Variants in NCAPD3 observed in about 807,000 individuals in gnomAD.
NCAPD3 encodes non-SMC condensin II complex subunit D3.
A neutral mutation model predicts 182.9 loss-of-function variants in NCAPD3; 105 were observed. That is an observed-to-expected ratio of 0.57 (90% confidence interval 0.49 to 0.68). NCAPD3 has a LOEUF of 0.68. Among genes scored for constraint, NCAPD3 ranks in the 30% least tolerant of loss-of-function variants. The probability of loss-of-function intolerance (pLI) is 0.00; values close to 1 mark genes in which losing one functional copy is unlikely to be tolerated. For missense variants in NCAPD3, 1,944 were observed against 1,837.0 expected (o/e 1.06, Z -1.07); for synonymous variants, 815 against 679.9 (o/e 1.20, Z -3.09).
At chr11:134,207,895 C>T (rs1198888195) in intron 7 of NCAPD3, among the ~76,000 whole-genome samples, 1 of 152,018 alleles carries the variant, frequency 6.6e-6, no homozygotes. Context: ...ATTTCAAGCA[C>T]ACAGAAGTGA....
At position 134,210,274 on chromosome 11, in the gene NCAPD3, A is replaced by G. The variant is rs148973912; in HGVS notation, c.563T>C (p.Ile188Thr). 325 of 1,611,188 alleles carry G rather than the reference A, an allele frequency of 2.0e-4. No individual in the cohort carries two copies. The highest frequency in any genetic ancestry group is 2.5e-4 in the Non-Finnish European group (292 of 1,179,170). ...KRGKPPRREDIEMDEIIEEQE... is the reference protein window; with the variant it reads ...KRGKPPRREDTEMDEIIEEQE... ...TATACTCAACTTACTTCTTACCTCA[A>G]TATCTTCTCTCCTGGGTGGCTTTCC... Residue 188 changes from isoleucine (I) to threonine (T), a missense_variant, in exon 4 of 35, where the codon ATT becomes ACT. Transcript: ENST00000534548.
chr11:134,224,654 C>G (rs1418284553), upstream of NCAPD3: 1 of 152,266 alleles, frequency 6.6e-6, no homozygotes, highest in Non-Finnish European at 1.5e-5. Flanking sequence ...GGAGCTCGCC[C>G]GCCCCCTCCC....
At chr11:134,194,243 T>C in intron 14 of NCAPD3, 93 bp from the exon 15 acceptor site, 7 of 1,361,378 alleles carry the variant, frequency 5.1e-6, no homozygotes, top group Middle Eastern at 1.9e-4. Flanking sequence ...TTTAAGTTTG[T>C]GGTTCTTAAC....
intron 27 of NCAPD3, among the ~76,000 whole-genome samples, chr11:134,167,618 TG>T (rs1328408997): frequency 8.6e-5 from 6 of 69,690 alleles, no homozygotes; most frequent in Non-Finnish European, 1.3e-4. Context: ...GAGATGAGCT[TG>T]GGGGAGGGGC....
chr11:134,185,061 G>T, intron 17 of NCAPD3, 61 bp from the exon 18 acceptor site: 3 of 1,323,642 alleles, frequency 2.3e-6, no homozygotes, highest in Non-Finnish European at 3.3e-6. Context: ...TGCCAACAAA[G>T]GCCTTTCTTC....
intron 13 of NCAPD3, among the ~76,000 whole-genome samples, chr11:134,196,369 C>T (rs543713146): frequency 3.2e-4 from 49 of 152,188 alleles, no homozygotes; most frequent in South Asian, 6.2e-4. Flanking sequence ...AGTGGCCAGG[C>T]GCGGTGGCTC....
chr11:134,178,079 AC>A (rs1376000638), intron 22 of NCAPD3: 4 of 152,338 alleles, frequency 2.6e-5, no homozygotes, highest in Non-Finnish European at 4.4e-5. Context: ...AAACAAAAAA[AC>A]AAAATACAAT....
At chr11:134,224,949 T>G, upstream of NCAPD3, 2 of 351,792 alleles carry the variant, frequency 5.7e-6, no homozygotes, top group Non-Finnish European at 9.2e-6. Flanking sequence ...CCCTCCCCCG[T>G]GGAGCCGGCT....
intron 11 of NCAPD3, 53 bp from the exon 12 acceptor site, chr11:134,203,251 AATT>A: frequency 7.9e-7 from 1 of 1,266,876 alleles, no homozygotes; most frequent in South Asian, 1.2e-5. Flanking sequence ...TAAACTGAGT[AATT>A]ATCCACGGAG....
At chr11:134,225,165 C>T, upstream of NCAPD3, 6 of 1,613,928 alleles carry the variant, frequency 3.7e-6, no homozygotes, top group Non-Finnish European at 5.1e-6. Flanking sequence ...GGTGGAAATC[C>T]TTCTGAACGA....
intron 2 of NCAPD3, among the ~76,000 whole-genome samples, chr11:134,218,802 T>C (rs183761274): frequency 7.3e-4 from 111 of 152,298 alleles, no homozygotes; most frequent in African/African-American, 2.6e-3. Flanking sequence ...CATGCCATTA[T>C]TACTCATAAC....
At chr11:134,198,765 C>G (rs767815716) in intron 13 of NCAPD3, among the ~76,000 whole-genome samples, 1 of 152,060 alleles carries the variant, frequency 6.6e-6, no homozygotes, top group African/African-American at 2.4e-5. Context: ...GGTTGCAGGA[C>G]AGAAGATCAA....
intron 27 of NCAPD3, among the ~76,000 whole-genome samples, chr11:134,164,552 G>C (rs566647818): frequency 7.9e-5 from 12 of 152,384 alleles, no homozygotes; most frequent in African/African-American, 2.4e-4. Flanking sequence ...ACACTCACTT[G>C]TGAAATGAGC....
intron 13 of NCAPD3, among the ~76,000 whole-genome samples, chr11:134,201,309 G>A (rs549990592): frequency 2.6e-5 from 4 of 152,216 alleles, no homozygotes; most frequent in Admixed American, 2.6e-4. Flanking sequence ...ACCGGTGTGA[G>A]CCACCACGCC....
intron 32 of NCAPD3, chr11:134,153,676 GT>G (rs1323836426): frequency 4.2e-5 from 18 of 428,134 alleles, no homozygotes; most frequent in Non-Finnish European, 7.8e-5. Flanking sequence ...TGACCGCCCT[GT>G]CCCACTTACT....
chr11:134,207,604 A>G (rs1396079079), intron 7 of NCAPD3, among the ~76,000 whole-genome samples: 1 of 151,990 alleles, frequency 6.6e-6, no homozygotes, highest in Non-Finnish European at 1.5e-5. Flanking sequence ...TTAGCTGGGC[A>G]TGGTGGCGCG....
intron 27 of NCAPD3, among the ~76,000 whole-genome samples, chr11:134,164,319 TGAGG>T (rs1445101391): frequency 1.3e-5 from 2 of 152,336 alleles, no homozygotes; most frequent in South Asian, 2.1e-4. Flanking sequence ...AAGAGATGAC[TGAGG>T]GAGTTTTGAC....
chr11:134,156,849 G>C, intron 32 of NCAPD3, 169 bp downstream of exon 32: 1 of 582,140 alleles, frequency 1.7e-6, no homozygotes, highest in Non-Finnish European at 3.0e-6. Context: ...AGTGCTCATG[G>C]ATCAAGCGAC....
At chr11:134,170,816 G>A (rs546498472) in intron 24 of NCAPD3, among the ~76,000 whole-genome samples, 1 of 152,216 alleles carries the variant, frequency 6.6e-6, no homozygotes, top group African/African-American at 2.4e-5. Context: ...TAGTCACAGA[G>A]CTTTCTAGCA....
Sources: allele counts gnomAD v4.1 joint callset (sites outside exome capture counted in the v4.1 genomes callset), GRCh38; gene constraint gnomAD v4.1.1; transcripts MANE v1.5; gene names NCBI Gene and HGNC (gene_info 2026-07-23, HGNC 2026-07-21).